Variants in RYK observed in about 807,000 individuals in gnomAD.
RYK encodes the protein inactive tyrosine-protein kinase RYK.
A neutral mutation model predicts 70.2 loss-of-function variants in RYK; 21 were observed. That is an observed-to-expected ratio of 0.30 (90% CI 0.21 to 0.43). RYK has a LOEUF of 0.43. Among genes scored for constraint, RYK ranks in the 20% least tolerant of loss-of-function variants. RYK has a pLI of 1.00. For synonymous variants in RYK, 267 were observed against 278.0 expected, an observed-to-expected ratio of 0.96 and a Z score of 0.39; for missense variants, 604 against 753.3, an observed-to-expected ratio of 0.80 and a Z score of 2.32.
intron 1 of RYK, among the ~76,000 whole-genome samples, chr3:134,224,628 C>A (rs1389887294): frequency 1.3e-5 from 2 of 152,178 alleles, no homozygotes; most frequent in African/African-American, 4.8e-5. Flanking sequence ...CTTTCCTGGT[C>A]TGCTAAGTAA....
intron 10 of RYK, chr3:134,180,293 T>G (rs573968960): frequency 6.6e-6 from 1 of 152,226 alleles, no homozygotes; most frequent in African/African-American, 2.4e-5. Flanking sequence ...ATCTTTTATG[T>G]ATACAGCTAT....
At chr3:134,205,915 T>C (rs963559419) in intron 5 of RYK, among the ~76,000 whole-genome samples, 2 of 152,036 alleles carry the variant, frequency 1.3e-5, no homozygotes, top group Non-Finnish European at 2.9e-5. Flanking sequence ...AGACTCTCCA[T>C]AGGTACTGGG....
intron 1 of RYK, among the ~76,000 whole-genome samples, chr3:134,242,858 A>G (rs930765747): frequency 2.6e-5 from 4 of 152,018 alleles, no homozygotes; most frequent in Admixed American, 6.6e-5. Context: ...TAGCATGAGG[A>G]AAAAAAACAA....
At chr3:134,195,315 T>C (rs1486613941) in intron 6 of RYK, 133 bp from the exon 7 acceptor site, 10 of 646,606 alleles carry the variant, frequency 1.5e-5, no homozygotes, top group Non-Finnish European at 1.6e-5. Flanking sequence ...TAATTCATGA[T>C]GTTCCAATAC....
chr3:134,216,864 T>C (rs1175704338), intron 2 of RYK, among the ~76,000 whole-genome samples: 2 of 142,852 alleles, frequency 1.4e-5, no homozygotes, highest in Non-Finnish European at 3.0e-5. Context: ...TTCTCCTGGA[T>C]ATTGGGGAAT....
chr3:134,207,368 T>G, intron 5 of RYK, 104 bp downstream of exon 5: 1 of 591,298 alleles, frequency 1.7e-6, no homozygotes. Flanking sequence ...GGTGTCATTA[T>G]CATTTGATAC....
At chr3:134,168,615 C>T (rs1293737796) in intron 13 of RYK, among the ~76,000 whole-genome samples, 31 of 5,330 alleles carry the variant, frequency 5.8e-3, no homozygotes, top group African/African-American at 6.8e-3. Context: ...ACACCGGGGC[C>T]TTCGTAGGGT....
At chr3:134,176,325 T>C (rs769978937) in intron 11 of RYK, among the ~76,000 whole-genome samples, 1 of 152,258 alleles carries the variant, frequency 6.6e-6, no homozygotes, top group Non-Finnish European at 1.5e-5. Flanking sequence ...TCAATACATC[T>C]GTTCAGTGAA....
intron 1 of RYK, among the ~76,000 whole-genome samples, chr3:134,229,194 G>C (rs1245928407): frequency 6.6e-6 from 1 of 151,944 alleles, no homozygotes; most frequent in East Asian, 1.9e-4. Context: ...CTGCCAGAGC[G>C]GAGCGCTCCC....
At chr3:134,185,773 G>A (rs1320529140) in intron 9 of RYK, among the ~76,000 whole-genome samples, 1 of 152,144 alleles carries the variant, frequency 6.6e-6, no homozygotes, top group Admixed American at 6.5e-5. Context: ...CCCTCAACTG[G>A]TAAGGAGATC....
intron 9 of RYK, among the ~76,000 whole-genome samples, chr3:134,183,592 G>A (rs2013371528): frequency 1.3e-5 from 2 of 152,160 alleles, no homozygotes; most frequent in Admixed American, 1.3e-4. Context: ...GGGCAAGAGT[G>A]TGAGAAAACA....
At chr3:134,169,484 C>T (rs953538709) in intron 13 of RYK, among the ~76,000 whole-genome samples, 3 of 152,096 alleles carry the variant, frequency 2.0e-5, no homozygotes, top group African/African-American at 7.2e-5. Flanking sequence ...TTAAGAATGC[C>T]TACAATGATG....
At chr3:134,204,591 C>CCCCACACACACA (rs747599504) in intron 5 of RYK, among the ~76,000 whole-genome samples, 1 of 140,694 alleles carries the variant, frequency 7.1e-6, no homozygotes, top group South Asian at 2.4e-4. Flanking sequence ...ACAGCCACAG[C>CCCCACACACACA]CACACACACA....
At position 134,196,517 on chromosome 3, in the gene RYK, A is replaced by C. The variant is rs142744548; in HGVS notation, c.789-1335T>G. The stretch of plus-strand genomic sequence containing the variant: ...AGCTATTTGGAAGGCTGTTAGGCAG[A>C]TCACTTTAGTCCAGGAGTTTGACGC... On this transcript the variant is annotated intron_variant, in intron 6 of 14. Coordinates refer to ENST00000623711, the MANE Select transcript of RYK (RefSeq NM_002958.4). Among the ~76,000 whole-genome samples, 450 of 151,924 alleles carry C rather than the reference A, an allele frequency of 3.0e-3. 3 individuals carry two copies. The highest frequency in any genetic ancestry group is 9.9e-3 in the African/African-American group (408 of 41,382).
At chr3:134,178,170 A>C in intron 10 of RYK, 97 bp from the exon 11 acceptor site, 2 of 839,990 alleles carry the variant, frequency 2.4e-6, no homozygotes, top group Non-Finnish European at 3.7e-6. Context: ...CAAAATCCCC[A>C]AAATACTTAA....
intron 1 of RYK, among the ~76,000 whole-genome samples, chr3:134,245,815 T>C (rs2015450025): frequency 6.6e-6 from 1 of 152,088 alleles, no homozygotes; most frequent in Non-Finnish European, 1.5e-5. Context: ...AAACGAGATG[T>C]AAAGGTGTTG....
At chr3:134,247,601 C>A (rs1288297129) in intron 1 of RYK, among the ~76,000 whole-genome samples, 1 of 151,766 alleles carries the variant, frequency 6.6e-6, no homozygotes, top group African/African-American at 2.4e-5. Context: ...ACTGGGGAGG[C>A]TGAGGCAGGA....
chr3:134,183,693 C>T (rs2108158276), intron 9 of RYK, among the ~76,000 whole-genome samples: 1 of 152,258 alleles, frequency 6.6e-6, no homozygotes, highest in African/African-American at 2.4e-5. Context: ...AATCCCACTG[C>T]TAAGAGTCTC....
intron 13 of RYK, among the ~76,000 whole-genome samples, chr3:134,168,596 GA>G (rs2012776963): frequency 1.1e-5 from 1 of 90,808 alleles, no homozygotes; most frequent in Non-Finnish European, 2.0e-5. Flanking sequence ...ACAGGAAGGG[GA>G]ACATCACACA....
Sources: allele counts gnomAD v4.1 joint callset (sites outside exome capture counted in the v4.1 genomes callset), GRCh38; gene constraint gnomAD v4.1.1; transcripts MANE v1.5; gene names NCBI Gene and HGNC (gene_info 2026-07-23, HGNC 2026-07-21).